Variants in SEMA3E observed in about 807,000 individuals in gnomAD.
SEMA3E encodes the protein semaphorin-3E.
In SEMA3E, 49 loss-of-function variants were observed where a neutral mutation model predicts 93.6. The ratio of observed to expected loss-of-function variants is 0.52; its 90% CI spans 0.42 to 0.66. The LOEUF (loss-of-function observed/expected upper bound fraction) is 0.66, where lower values mean the gene tolerates loss of function less well. Ranked by LOEUF, SEMA3E falls within the 30% of genes least tolerant of loss-of-function variation. SEMA3E has a pLI of 0.00. For synonymous variants in SEMA3E, 363 were observed against 330.7 expected, an observed-to-expected ratio of 1.10 and a Z score of -1.06; for missense variants, 906 against 964.8, an observed-to-expected ratio of 0.94 and a Z score of 0.81.
chr7:83,398,440 A>T (rs1788168643), intron 11 of SEMA3E, among the ~76,000 whole-genome samples: 1 of 152,168 alleles, frequency 6.6e-6, no homozygotes, highest in South Asian at 2.1e-4. Context: ...ACTTTTAAAA[A>T]TTTTGTTGGA....
chr7:83,591,650 A>G (rs886858407), intron 1 of SEMA3E, among the ~76,000 whole-genome samples: 1 of 152,010 alleles, frequency 6.6e-6, no homozygotes, highest in Non-Finnish European at 1.5e-5. Flanking sequence ...CATTTTTTGT[A>G]GGCAAAATAT....
At chr7:83,593,287 T>TGC (rs1554341749) in intron 1 of SEMA3E, among the ~76,000 whole-genome samples, 2 of 9,772 alleles carry the variant, frequency 2.0e-4, no homozygotes, top group Admixed American at 1.8e-3. Context: ...TCTCTCTCTG[T>TGC]GTGTGTGTGT....
chr7:83,467,482 A>G (rs570627858), intron 3 of SEMA3E, among the ~76,000 whole-genome samples: 42 of 152,334 alleles, frequency 2.8e-4, no homozygotes, highest in Non-Finnish European at 3.8e-4. Context: ...TTGCAGGACT[A>G]TGATAAGATT....
At chr7:83,592,014 T>C (rs920141394) in intron 1 of SEMA3E, among the ~76,000 whole-genome samples, 1 of 152,096 alleles carries the variant, frequency 6.6e-6, no homozygotes, top group Non-Finnish European at 1.5e-5. Context: ...GTGTAATGTT[T>C]TGTTCCAATT....
intron 12 of SEMA3E, among the ~76,000 whole-genome samples, chr7:83,395,082 T>C (rs1788096940): frequency 6.6e-6 from 1 of 152,204 alleles, no homozygotes; most frequent in Non-Finnish European, 1.5e-5. Context: ...GTTTTTTTAT[T>C]TTTTATTTTT....
chr7:83,462,466 T>G (rs1195499413), intron 4 of SEMA3E, among the ~76,000 whole-genome samples: 1 of 152,130 alleles, frequency 6.6e-6, no homozygotes, highest in African/African-American at 2.4e-5. Flanking sequence ...TGACTATTCC[T>G]GGGCTACAGC....
intron 1 of SEMA3E, among the ~76,000 whole-genome samples, chr7:83,507,614 T>C (rs926923463): frequency 2.6e-5 from 4 of 151,700 alleles, no homozygotes; most frequent in African/African-American, 9.7e-5. Flanking sequence ...TTCTTTCACT[T>C]TGCAATAGGG....
In SEMA3E at chr7:83,432,272, G is replaced by GTT. The variant is rs61299855; in HGVS notation, c.457-13791_457-13790dup. 3.9e-3 allele frequency among the ~76,000 whole-genome samples: 574 copies of GTT among 146,728 alleles called. 5 individuals are homozygous for GTT. Among genetic ancestry groups the GTT allele is most frequent in the African/African-American group, 0.011 (446 of 40,348 alleles). ...TAGTTTTACACAATTGCATTTGAGG[G>GTT]TTTTTTTTTTTGTTGTGTGGCAATA... On this transcript the variant is annotated intron_variant, in intron 4 of 16. Transcript: ENST00000643230.
intron 16 of SEMA3E, among the ~76,000 whole-genome samples, chr7:83,368,260 G>A (rs1794704179): frequency 6.6e-6 from 1 of 151,044 alleles, no homozygotes. Flanking sequence ...ATTTACATTG[G>A]TGGTCACTTC....
intron 1 of SEMA3E, among the ~76,000 whole-genome samples, chr7:83,516,022 G>A (rs1447984588): frequency 3.3e-5 from 5 of 152,078 alleles, no homozygotes; most frequent in East Asian, 1.9e-4. Flanking sequence ...GTAAGACTCC[G>A]TGTCAAAACA....
chr7:83,417,761 T>C (rs564899079), intron 5 of SEMA3E, among the ~76,000 whole-genome samples: 36 of 152,274 alleles, frequency 2.4e-4, no homozygotes, highest in African/African-American at 7.7e-4. Context: ...CTTAGTTGTG[T>C]CTTAAGTGAG....
At chr7:83,407,746 T>C (rs1420191020) in intron 6 of SEMA3E, among the ~76,000 whole-genome samples, 2 of 152,170 alleles carry the variant, frequency 1.3e-5, no homozygotes, top group Non-Finnish European at 2.9e-5. Context: ...GGGATTGTAG[T>C]CCAAGAGATT....
At chr7:83,439,614 T>A in intron 4 of SEMA3E, among the ~76,000 whole-genome samples, 1 of 152,226 alleles carries the variant, frequency 6.6e-6, no homozygotes, top group Admixed American at 6.5e-5. Context: ...TCTGATTTTA[T>A]GATTTCAACG....
chr7:83,427,512 T>C (rs1346274380), intron 4 of SEMA3E, among the ~76,000 whole-genome samples: 1 of 152,186 alleles, frequency 6.6e-6, no homozygotes, highest in Non-Finnish European at 1.5e-5. Context: ...AAATTTACCA[T>C]AGACTACATA....
chr7:83,468,248 A>T (rs1296841082), intron 3 of SEMA3E, among the ~76,000 whole-genome samples: 1 of 152,190 alleles, frequency 6.6e-6, no homozygotes, highest in Non-Finnish European at 1.5e-5. Context: ...ATGATATTTT[A>T]TTCTTTGGGT....
At chr7:83,594,783 G>A (rs1792832208) in intron 1 of SEMA3E, among the ~76,000 whole-genome samples, 1 of 151,986 alleles carries the variant, frequency 6.6e-6, no homozygotes, top group Non-Finnish European at 1.5e-5. Context: ...CAGCTCTTGG[G>A]TGGGTATAGT....
At chr7:83,609,047 T>C (rs556982784) in intron 1 of SEMA3E, among the ~76,000 whole-genome samples, 2 of 152,196 alleles carry the variant, frequency 1.3e-5, no homozygotes, top group African/African-American at 4.8e-5. Flanking sequence ...TTGAGAAAGA[T>C]AATTTAAATA....
intron 14 of SEMA3E, among the ~76,000 whole-genome samples, chr7:83,390,515 T>C (rs1022925044): frequency 2.0e-5 from 3 of 152,156 alleles, no homozygotes; most frequent in Non-Finnish European, 4.4e-5. Flanking sequence ...AATTACTGTT[T>C]TTCCCCTGTT....
intron 2 of SEMA3E, among the ~76,000 whole-genome samples, chr7:83,475,167 A>G (rs569798752): frequency 2.0e-5 from 3 of 152,106 alleles, no homozygotes; most frequent in South Asian, 4.1e-4. Context: ...GCTTCTTTTT[A>G]CAATATTAGC....
Sources: allele counts gnomAD v4.1 joint callset (sites outside exome capture counted in the v4.1 genomes callset), GRCh38; gene constraint gnomAD v4.1.1; transcripts MANE v1.5; gene names NCBI Gene and HGNC (gene_info 2026-07-23, HGNC 2026-07-21).